Variants in BRINP3 observed in about 807,000 individuals in gnomAD.
The protein encoded by BRINP3 is BMP/retinoic acid inducible neural specific 3.
A neutral mutation model predicts 71.0 loss-of-function variants in BRINP3; 19 were observed. The ratio of observed to expected loss-of-function variants is 0.27; its 90% CI spans 0.19 to 0.39. The LOEUF is 0.39. Ranked by LOEUF, BRINP3 falls within the 10% of genes least tolerant of loss-of-function variation. The pLI is 1.00. For missense variants in BRINP3, 959 were observed against 940.8 expected, an observed-to-expected ratio of 1.02 and a Z score of -0.25; for synonymous variants, 380 against 337.7, an observed-to-expected ratio of 1.13 and a Z score of -1.37.
intron 1 of BRINP3, 66 bp downstream of exon 1, chr1:190,477,382 C>A (rs1464321389): frequency 3.3e-5 from 5 of 151,862 alleles, no homozygotes; most frequent in African/African-American, 1.2e-4. Flanking sequence ...AATACTTCAA[C>A]AAAACAGAGC....
chr1:190,295,760 T>A (rs1383451391), intron 2 of BRINP3, among the ~76,000 whole-genome samples: 1 of 151,150 alleles, frequency 6.6e-6, no homozygotes, highest in African/African-American at 2.4e-5. Flanking sequence ...ATTCCCACAC[T>A]CACTTCCCTT....
At chr1:190,453,203 A>T (rs762256577) in intron 2 of BRINP3, among the ~76,000 whole-genome samples, 5,093 of 41,196 alleles carry the variant, frequency 0.12, 413 homozygotes, top group Non-Finnish European at 0.16. Flanking sequence ...AAACTTTAGT[A>T]TTTTTTTTTT....
chr1:190,409,300 T>G (rs1672502911), intron 2 of BRINP3, among the ~76,000 whole-genome samples: 1 of 152,166 alleles, frequency 6.6e-6, no homozygotes, highest in African/African-American at 2.4e-5. Context: ...AACAGCATTA[T>G]TTTATTTAGT....
At chr1:190,277,123 A>ATATATATATATATATAT (rs1408724679) in intron 3 of BRINP3, among the ~76,000 whole-genome samples, 1 of 134,680 alleles carries the variant, frequency 7.4e-6, no homozygotes, top group Admixed American at 7.6e-5. Flanking sequence ...ATATATTTAT[A>ATATATATATATATATAT]TTCAGAAAAG....
At chr1:190,247,825 G>A (rs775575641) in intron 4 of BRINP3, among the ~76,000 whole-genome samples, 1 of 151,662 alleles carries the variant, frequency 6.6e-6, no homozygotes, top group African/African-American at 2.4e-5. Flanking sequence ...ATGATTCTAC[G>A]GATTTTTAAA....
intron 1 of BRINP3, among the ~76,000 whole-genome samples, chr1:190,457,406 T>C (rs949090605): frequency 1.3e-5 from 2 of 152,072 alleles, no homozygotes; most frequent in Non-Finnish European, 2.9e-5. Flanking sequence ...ATGACTCCAC[T>C]GCACTCCAGC....
chr1:190,381,530 T>C (rs1670549546), intron 2 of BRINP3, among the ~76,000 whole-genome samples: 1 of 152,174 alleles, frequency 6.6e-6, no homozygotes, highest in African/African-American at 2.4e-5. Flanking sequence ...TTTTCAGAAA[T>C]TAATATGTCT....
intron 2 of BRINP3, among the ~76,000 whole-genome samples, chr1:190,285,526 G>C (rs1020618304): frequency 2.0e-5 from 3 of 152,026 alleles, no homozygotes; most frequent in African/African-American, 7.3e-5. Context: ...TTGAACCCAG[G>C]AGGCGGAGGT....
At chr1:190,384,582 A>G (rs1670762800) in intron 2 of BRINP3, among the ~76,000 whole-genome samples, 1 of 151,916 alleles carries the variant, frequency 6.6e-6, no homozygotes, top group Non-Finnish European at 1.5e-5. Context: ...AAATAAAAAT[A>G]ATAGTTCTTA....
intron 3 of BRINP3, among the ~76,000 whole-genome samples, chr1:190,269,606 G>A (rs1488504053): frequency 6.6e-6 from 1 of 151,972 alleles, no homozygotes; most frequent in Non-Finnish European, 1.5e-5. Context: ...GGAAAAGAGT[G>A]TTCAGACAAA....
chr1:190,265,064 A>T lies in BRINP3; in HGVS notation c.428-9T>A. 2 of 1,579,614 alleles carry T rather than the reference A, an allele frequency of 1.3e-6. No individual in the cohort carries two copies. The highest frequency in any genetic ancestry group is 1.7e-6 in the Non-Finnish European group (2 of 1,169,006). Reference sequence around the variant, plus strand: ...TGTGAGTGACTCCTCTCCTGCATTAATAATATTTCAAATTATTCAATTTTC... The same window carrying T: ...TGTGAGTGACTCCTCTCCTGCATTATTAATATTTCAAATTATTCAATTTTC... On this transcript the variant is annotated splice_polypyrimidine_tract_variant and intron_variant, in intron 3 of 7. Coordinates refer to ENST00000367462, the MANE Select transcript of BRINP3 (RefSeq NM_199051.3).
chr1:190,098,281 T>G lies in BRINP3; in HGVS notation c.2038A>C (p.Ile680Leu). The change falls in exon 8 of 8, where the codon ATT becomes CTT. Residue 680 changes from isoleucine (I) to leucine (L), a missense_variant. Coordinates refer to ENST00000367462, the MANE Select transcript of BRINP3 (RefSeq NM_199051.3). ...TCCAGCTGCAAAATCAGGTCCCGAATTGCTTCAGGGTCAAAGTGCATGCTG... is the reference window on the plus strand; with the variant it reads ...TCCAGCTGCAAAATCAGGTCCCGAAGTGCTTCAGGGTCAAAGTGCATGCTG... The part of the protein sequence containing the change: ...GYSMHFDPEA[I>L]RDLILQLDYP... 1 of 1,614,196 alleles carries G rather than the reference T, an allele frequency of 6.2e-7. No homozygotes were observed. The highest frequency in any genetic ancestry group is 8.5e-7 in the Non-Finnish European group (1 of 1,180,042).
chr1:190,229,106 G>A (rs1657687971), intron 5 of BRINP3, among the ~76,000 whole-genome samples: 1 of 151,954 alleles, frequency 6.6e-6, no homozygotes, highest in African/African-American at 2.4e-5. Flanking sequence ...AATTTCTGGG[G>A]TTAACCTGGA....
chr1:190,264,969 CCGAAGA>C lies in BRINP3; in HGVS notation c.508_513del (p.Ser170_Ser171del). On this transcript the variant is annotated inframe_deletion, in exon 4 of 8. Coordinates refer to ENST00000367462, the MANE Select transcript of BRINP3 (RefSeq NM_199051.3). ...AGCTGATGTAGCGTCTCCAGAGTGA[CCGAAGA>C]GCTATTGGTGGTGGAATCACTTCCT... 6.2e-7 allele frequency: 1 copy of C among 1,612,082 alleles called. No homozygotes were observed. The highest frequency in any genetic ancestry group is 8.5e-7 in the Non-Finnish European group (1 of 1,179,292).
chr1:190,165,513 T>C (rs1651448711), intron 6 of BRINP3, among the ~76,000 whole-genome samples: 1 of 144,458 alleles, frequency 6.9e-6, no homozygotes, highest in South Asian at 2.2e-4. Flanking sequence ...TTGTTTAGTC[T>C]ACAGTTGGTT....
Position 190,181,145 on chromosome 1 carries a change from A to G in BRINP3, c.962-20255T>C, listed in dbSNP as rs79654944. Among the ~76,000 whole-genome samples, 14 of 152,210 alleles carry G rather than the reference A, an allele frequency of 9.2e-5. No individual in the cohort carries two copies. In the East Asian group the frequency reaches 2.7e-3, roughly 29 times the overall value. On this transcript the variant is annotated intron_variant, in intron 6 of 7. Coordinates refer to ENST00000367462, the MANE Select transcript of BRINP3 (RefSeq NM_199051.3). ...TAATTTTGAAAGTGTAATACACATGAAATCAGACAATACATGGTTTTCTCT... is the reference window on the plus strand; with the variant it reads ...TAATTTTGAAAGTGTAATACACATGGAATCAGACAATACATGGTTTTCTCT...
At chr1:190,418,271 G>A (rs113171391) in intron 2 of BRINP3, among the ~76,000 whole-genome samples, 2,298 of 152,046 alleles carry the variant, frequency 0.015, 67 homozygotes, top group African/African-American at 0.052. Context: ...GGCTGGTCTC[G>A]GACTCCTGAG....
intron 4 of BRINP3, among the ~76,000 whole-genome samples, chr1:190,245,384 A>G (rs1357986872): frequency 6.6e-6 from 1 of 151,948 alleles, no homozygotes; most frequent in African/African-American, 2.4e-5. Context: ...TAGGAGAAAG[A>G]AGAAACATAT....
chr1:190,234,528 C>G, intron 4 of BRINP3, 51 bp from the exon 5 acceptor site: 1 of 1,401,040 alleles, frequency 7.1e-7, no homozygotes, highest in Non-Finnish European at 1.0e-6. Context: ...TTACAATGTC[C>G]TTTTGGTTCA....
Sources: gnomAD v4.1 joint callset for allele counts (sites outside exome capture counted in the v4.1 genomes callset) on GRCh38, gnomAD v4.1.1 for gene constraint, MANE v1.5 for transcripts, NCBI Gene and HGNC (gene_info 2026-07-23, HGNC 2026-07-21) for gene names.